TNFSF15: variants seen among roughly 807,000 people sequenced by gnomAD.
TNFSF15 encodes tumor necrosis factor ligand superfamily member 15.
In TNFSF15, 15 loss-of-function variants were observed where a neutral mutation model predicts 26.4. That is an observed-to-expected ratio of 0.57 (90% CI 0.38 to 0.87). The LOEUF (loss-of-function observed/expected upper bound fraction) is 0.87. Ranked by LOEUF, TNFSF15 falls within the 40% of genes least tolerant of loss-of-function variation. The probability of loss-of-function intolerance (pLI) is 0.00; values close to 1 mark genes in which losing one functional copy is unlikely to be tolerated. For synonymous variants in TNFSF15, 116 were observed against 115.0 expected (o/e 1.01, Z -0.06); for missense variants, 290 against 306.1 (o/e 0.95, Z 0.39).
At position 114,786,544 on chromosome 9, in the gene TNFSF15, A is replaced by G. The variant is rs1829502770; in HGVS notation, c.*3908T>C. On this transcript the variant is annotated 3_prime_UTR_variant, in exon 4 of 4. Coordinates refer to ENST00000374045, the MANE Select transcript of TNFSF15 (RefSeq NM_005118.4). Reference sequence around the variant, plus strand: ...GGAGCCAAGAGTTCTGGTGTGCTCTATTATTGATTCAACCTGACATATTTC... The same window carrying G: ...GGAGCCAAGAGTTCTGGTGTGCTCTGTTATTGATTCAACCTGACATATTTC... 2 of 152,146 alleles carry G rather than the reference A, an allele frequency of 1.3e-5. No homozygotes were observed. Among genetic ancestry groups the G allele is most frequent in the Admixed American group, 1.3e-4 (2 of 15,270 alleles). 9.4% of individuals were successfully genotyped at this position (152,146 alleles called of 1,614,324 possible). A position where few individuals can be genotyped will look rare whatever the true frequency, so the allele number is the denominator to read the frequency against.
In TNFSF15 at chr9:114,792,453, A is replaced by C. The variant is rs1461120016; in HGVS notation, c.255T>G (p.Tyr85Ter). The C allele has an allele frequency of 2.5e-6, 4 of 1,614,152 alleles. No homozygotes were observed. Among genetic ancestry groups the C allele is most frequent in the Non-Finnish European group, 3.4e-6 (4 of 1,179,988 alleles). ...TATCTCCGTCTGCTCTAAGAGGTGC[A>C]TCTGTAACAAAAGGAGAAATGTGCT... The part of the protein sequence containing the change: ...QEFAPSHQQV[Y>*]APLRADGDKP... The change falls in exon 3 of 4, where the codon TAT (tyrosine) becomes TAG (stop). Residue 85 changes from tyrosine (Y) to a stop codon, truncating the protein, a stop_gained and splice_region_variant. Coordinates refer to ENST00000374045, the MANE Select transcript of TNFSF15 (RefSeq NM_005118.4). LOFTEE classifies it high-confidence loss of function.
chr9:114,801,371 T>C (rs1413630849), intron 1 of TNFSF15, among the ~76,000 whole-genome samples: 1 of 152,004 alleles, frequency 6.6e-6, no homozygotes, highest in Non-Finnish European at 1.5e-5. Context: ...AAAAAATGGA[T>C]TGAGGAATTA....
chr9:114,791,156 A>T (rs979139903), intron 3 of TNFSF15: 1 of 581,054 alleles, frequency 1.7e-6, no homozygotes, highest in African/African-American at 1.9e-5. Flanking sequence ...TCTGACCTGA[A>T]AATTTTTAAT....
In TNFSF15 at chr9:114,805,923, GCTC is replaced by G. The variant is rs1270159236; in HGVS notation, c.87_89del (p.Arg29del). 1.2e-6 allele frequency: 2 copies of G among 1,614,108 alleles called. No homozygotes were observed. The highest frequency in any genetic ancestry group is 1.1e-5 in the South Asian group (1 of 91,080). On this transcript the variant is annotated inframe_deletion, in exon 1 of 4. Transcript: ENST00000374045. ...AGGTGAGAGCCCAGCGTGCGCTGCT[GCTC>G]CTGGCCTTGGGCCTGCAGCTGCCGT...
chr9:114,799,053 C>T (rs553469300), intron 1 of TNFSF15, among the ~76,000 whole-genome samples: 3 of 152,326 alleles, frequency 2.0e-5, no homozygotes, highest in Non-Finnish European at 4.4e-5. Context: ...CCAAGGATAA[C>T]GCCAACCTGG....
chr9:114,804,956 A>AT (rs1829798302), intron 1 of TNFSF15, among the ~76,000 whole-genome samples: 1 of 152,214 alleles, frequency 6.6e-6, no homozygotes, highest in Non-Finnish European at 1.5e-5. Context: ...ATGAAGGGAC[A>AT]TTTTTAAAAA....
intron 1 of TNFSF15, among the ~76,000 whole-genome samples, chr9:114,801,378 A>G (rs780606384): frequency 6.6e-6 from 1 of 152,114 alleles, no homozygotes; most frequent in Non-Finnish European, 1.5e-5. Flanking sequence ...GGATTGAGGA[A>G]TTAGTGGGGG....
chr9:114,792,274 T>G, intron 3 of TNFSF15, 133 bp downstream of exon 3: 29 of 928,322 alleles, frequency 3.1e-5, no homozygotes, highest in Admixed American at 5.4e-5. Flanking sequence ...CACTGGAATA[T>G]TGAGGGGAGG....
At chr9:114,802,786 C>T (rs149820753) in intron 1 of TNFSF15, among the ~76,000 whole-genome samples, 154 of 152,278 alleles carry the variant, frequency 1.0e-3, no homozygotes, top group African/African-American at 3.6e-3. Flanking sequence ...TATTACTGAT[C>T]TCCTTCTTCC....
At position 114,790,682 on chromosome 9, in the gene TNFSF15, A is replaced by G. The variant is rs1335329920; in HGVS notation, c.526T>C (p.Ser176Pro). Residue 176 changes from serine to proline, a missense_variant, in exon 4 of 4, where the codon TCC becomes CCC. Around this residue, in one of 3 missense-constraint regions of TNFSF15, gnomAD observed 102 missense variants for 114.7 expected, o/e 0.89. Transcript: ENST00000374045. ...RQAGRPNKPD[S>P]ITVVITKVTD... ...ACCTTGGTGATGACCACAGTGATGG[A>G]GTCTGGCTTGTTTGGTCGGCCTGCT... 1 of 1,613,990 alleles carries G rather than the reference A, an allele frequency of 6.2e-7. No individual in the cohort carries two copies. Among genetic ancestry groups the G allele is most frequent in the Non-Finnish European group, 8.5e-7 (1 of 1,179,998 alleles).
chr9:114,787,124 T>A lies in TNFSF15; in HGVS notation c.*3328A>T, dbSNP rs1394341297. 4 of 152,086 alleles carry A rather than the reference T, an allele frequency of 2.6e-5. No homozygotes were observed. The highest frequency in any genetic ancestry group is 5.9e-5 in the Non-Finnish European group (4 of 68,018). The allele number at this position is 152,086 out of a possible 1,614,324, so 9.4% of individuals were successfully genotyped here. On this transcript the variant is annotated 3_prime_UTR_variant, in exon 4 of 4. Transcript: ENST00000374045. ...TTTTAAGGGTATTGATGACCAAACT[T>A]GAATATAGCAAATAATAACCTGTCT...
At chr9:114,799,730 G>A (rs1829716640) in intron 1 of TNFSF15, among the ~76,000 whole-genome samples, 1 of 152,212 alleles carries the variant, frequency 6.6e-6, no homozygotes, top group Non-Finnish European at 1.5e-5. Context: ...AGCTCTCCAA[G>A]CTGGCCTGGC....
At chr9:114,795,345 T>C (rs1829660761) in intron 1 of TNFSF15, among the ~76,000 whole-genome samples, 1 of 152,186 alleles carries the variant, frequency 6.6e-6, no homozygotes, top group South Asian at 2.1e-4. Flanking sequence ...CATCTCAAAA[T>C]GTGTGTGTTG....
chr9:114,784,777 T>A lies in TNFSF15; in HGVS notation c.*5675A>T, dbSNP rs1311338825. The A allele has an allele frequency of 6.6e-6, 1 of 152,218 alleles. No homozygotes were observed. Among genetic ancestry groups the A allele is most frequent in the Non-Finnish European group, 1.5e-5 (1 of 68,038 alleles). The allele number at this position is 152,218 out of a possible 1,614,324, so 9.4% of individuals were successfully genotyped here. On this transcript the variant is annotated 3_prime_UTR_variant, in exon 4 of 4. Coordinates refer to ENST00000374045, the MANE Select transcript of TNFSF15 (RefSeq NM_005118.4). The stretch of plus-strand genomic sequence containing the variant: ...AGACATGGGATGCATACCAGTTAAG[T>A]ACGTATCCAACAACATACAATATGC...
At chr9:114,794,495 C>G (rs1397999278) in intron 1 of TNFSF15, among the ~76,000 whole-genome samples, 1 of 152,156 alleles carries the variant, frequency 6.6e-6, no homozygotes, top group Non-Finnish European at 1.5e-5. Flanking sequence ...AACTACCATA[C>G]AGTCTAGCAA....
At chr9:114,797,305 G>T (rs1382783404) in intron 1 of TNFSF15, among the ~76,000 whole-genome samples, 1 of 152,158 alleles carries the variant, frequency 6.6e-6, no homozygotes, top group East Asian at 1.9e-4. Context: ...ATATATGGAT[G>T]GATAAGTATG....
At chr9:114,793,427 C>A (rs1391708754) in intron 2 of TNFSF15, 99 bp downstream of exon 2, 1 of 1,423,924 alleles carries the variant, frequency 7.0e-7, no homozygotes, top group Non-Finnish European at 9.9e-7. Flanking sequence ...AGCTTAGCAA[C>A]TTGTACTTAA....
chr9:114,790,914 G>T lies in TNFSF15; in HGVS notation c.302-8C>A, dbSNP rs1219808011. 1.2e-6 allele frequency: 2 copies of T among 1,613,272 alleles called. No individual in the cohort carries two copies. Among genetic ancestry groups the T allele is most frequent in the Non-Finnish European group, 1.7e-6 (2 of 1,179,532 alleles). Reference sequence around the variant, plus strand: ...TGGGAGTTTGTCTCACAACTGGAAAGACAAGAAAGAGGATTAATTTTCTCA... The same window carrying T: ...TGGGAGTTTGTCTCACAACTGGAAATACAAGAAAGAGGATTAATTTTCTCA... On this transcript the variant is annotated splice_region_variant and splice_polypyrimidine_tract_variant and intron_variant, in intron 3 of 3. Transcript: ENST00000374045.
rs56195769 is a variant in TNFSF15, at chr9:114,792,603, T to C, written c.254-149A>G. 1.4e-3 allele frequency: 2,133 copies of C among 1,513,512 alleles called. 23 individuals carry two copies. In the East Asian group the frequency reaches 0.024, roughly 17 times the overall value. 93.8% of individuals were successfully genotyped at this position (1,513,512 alleles called of 1,614,324 possible). On this transcript the variant is annotated intron_variant, in intron 2 of 3. Transcript: ENST00000374045. ...GTGCCACTCCTTGCAGGATTTTGGATTGGAATGTGGCACCCGCAGCAAGCA... is the reference window on the plus strand; with the variant it reads ...GTGCCACTCCTTGCAGGATTTTGGACTGGAATGTGGCACCCGCAGCAAGCA...
Sources: gnomAD v4.1 joint callset for allele counts (sites outside exome capture counted in the v4.1 genomes callset) on GRCh38, gnomAD v4.1.1 for gene constraint, gnomAD v4.1.1 regional missense constraint, MANE v1.5 for transcripts, NCBI Gene and HGNC (gene_info 2026-07-23, HGNC 2026-07-21) for gene names.